DGKE: variants seen among roughly 807,000 people sequenced by gnomAD.
The protein encoded by DGKE is diacylglycerol kinase epsilon, also known as DAG kinase epsilon.
DGKE carries 53 observed loss-of-function variants against 70.0 expected under a neutral mutation model. The ratio of observed to expected loss-of-function variants is 0.76; its 90% CI spans 0.61 to 0.95. The LOEUF (loss-of-function observed/expected upper bound fraction) is 0.95. DGKE is among the 40% of genes least tolerant of loss of function. DGKE has a pLI of 0.00. For missense variants in DGKE, 655 were observed against 706.9 expected (o/e 0.93, Z 0.83); for synonymous variants, 291 against 257.0 (o/e 1.13, Z -1.27).
chr17:56,838,161 C>T (rs1906745047), intron 2 of DGKE, among the ~76,000 whole-genome samples: 1 of 151,992 alleles, frequency 6.6e-6, no homozygotes, highest in South Asian at 2.1e-4. Flanking sequence ...TTACATCTAC[C>T]CCACGCCTCA....
rs966154306 is a variant in DGKE at position 56,844,052 on chromosome 17, G to T, written c.498G>T (p.Glu166Asp). 2.5e-6 allele frequency: 4 copies of T among 1,571,452 alleles called. No individual in the cohort carries two copies. Among genetic ancestry groups the T allele is most frequent in the Non-Finnish European group, 3.4e-6 (4 of 1,165,182 alleles). Residue 166 changes from glutamate (E) to aspartate (D), a missense_variant, in exon 3 of 12, where the codon GAG becomes GAT. By Grantham distance (45) the Glu-to-Asp change is conservative (BLOSUM62 2). Transcript: ENST00000284061. ...GGTGCCAGAAAACAGTACATGATGAGTGCATGAAAAATAGTTTAAAGAATG... is the reference window on the plus strand; with the variant it reads ...GGTGCCAGAAAACAGTACATGATGATTGCATGAAAAATAGTTTAAAGAATG... ...CIWCQKTVHD[E>D]CMKNSLKNEK... is the part of the protein sequence containing the mutation.
chr17:56,860,594 G>A (rs556052188), intron 9 of DGKE, among the ~76,000 whole-genome samples: 60 of 152,322 alleles, frequency 3.9e-4, no homozygotes, highest in African/African-American at 1.3e-3. Context: ...TATAAGAAAA[G>A]CATGTGGTCT....
At position 56,862,597 on chromosome 17, in the gene DGKE, G is replaced by A. The variant is rs1908360001; in HGVS notation, c.1525-15G>A. 2 of 1,499,770 alleles carry A rather than the reference G, an allele frequency of 1.3e-6. No homozygotes were observed. Among genetic ancestry groups the A allele is most frequent in the African/African-American group, 1.4e-5 (1 of 70,856 alleles). The allele number at this position is 1,499,770 out of a possible 1,614,324, so 92.9% of individuals were successfully genotyped here. ...GGGGACTGACTTTTAAACATTATTT[G>A]TTCCCTAATATCAGCTGATTTTGAA... On this transcript the variant is annotated splice_polypyrimidine_tract_variant and intron_variant, in intron 11 of 11. Coordinates refer to ENST00000284061, the MANE Select transcript of DGKE (RefSeq NM_003647.3).
chr17:56,862,358 T>C, intron 11 of DGKE, 107 bp downstream of exon 11: 1 of 1,060,538 alleles, frequency 9.4e-7, no homozygotes, highest in Non-Finnish European at 1.4e-6. Flanking sequence ...GGTTTATGGC[T>C]CATGCAGCTG....
chr17:56,835,217 G>T lies in DGKE; in HGVS notation c.422G>T (p.Cys141Phe). The part of the protein sequence containing the change: ...NVPLCSYCMV[C>F]KQQCGCQPKL... ...CCCCTGTGCAGTTACTGTATGGTTT[G>T]CAAGCAGCAGTGTGGCTGTCAACCC... is the stretch of plus-strand genomic sequence containing the variant. Residue 141 changes from cysteine to phenylalanine, a missense_variant, in exon 2 of 12, where the codon TGC becomes TTC. Transcript: ENST00000284061. 1 of 1,613,624 alleles carries T rather than the reference G, an allele frequency of 6.2e-7. No individual in the cohort carries two copies. The highest frequency in any genetic ancestry group is 8.5e-7 in the Non-Finnish European group (1 of 1,179,992).
chr17:56,852,633 A>G (rs985181536), intron 7 of DGKE, among the ~76,000 whole-genome samples: 4 of 152,188 alleles, frequency 2.6e-5, no homozygotes, highest in African/African-American at 9.7e-5. Context: ...ACGTAAAAAA[A>G]TAGAGAAAGT....
rs766912042 is a variant in DGKE at position 56,843,968 on chromosome 17, A to AT, written c.465-49dup. Reference sequence around the variant, plus strand: ...AAAAATGATTGTTTTGTGGGTTATCATTGAGATTATGGTTTAAAATTAGTT... The same window carrying AT: ...AAAAATGATTGTTTTGTGGGTTATCATTTGAGATTATGGTTTAAAATTAGTT... On this transcript the variant is annotated intron_variant, in intron 2 of 11. Coordinates refer to ENST00000284061, the MANE Select transcript of DGKE (RefSeq NM_003647.3). 4.0e-5 allele frequency: 59 copies of AT among 1,478,526 alleles called. 1 individual carries two copies. The South Asian group carries it at 7.6e-4, about 19-fold the overall frequency. 91.6% of individuals were successfully genotyped at this position (1,478,526 alleles called of 1,614,324 possible). A position where few individuals can be genotyped will look rare whatever the true frequency, so the allele number is the denominator to read the frequency against.
rs77950042 is a variant in DGKE, at chr17:56,845,170, A to G, written c.625-520A>G. 9.1e-3 allele frequency among the ~76,000 whole-genome samples: 1,388 copies of G among 152,262 alleles called. 16 individuals are homozygous for G. The highest frequency in any genetic ancestry group is 0.022 in the African/African-American group (897 of 41,568). ...AATGGTTACATTTTGAAAAGTATTA[A>G]TTTCATTTGACTTTGAGCTATTAGA... On this transcript the variant is annotated intron_variant, in intron 3 of 11. Transcript: ENST00000284061.
At chr17:56,840,056 C>T (rs977648401) in intron 2 of DGKE, among the ~76,000 whole-genome samples, 8 of 151,920 alleles carry the variant, frequency 5.3e-5, no homozygotes, top group Admixed American at 4.6e-4. Flanking sequence ...CCCAGCTACT[C>T]GGGAGGCTGA....
chr17:56,841,086 A>G (rs1273431860), intron 2 of DGKE, among the ~76,000 whole-genome samples: 1 of 152,136 alleles, frequency 6.6e-6, no homozygotes, highest in East Asian at 1.9e-4. Flanking sequence ...CCCCGTCTCT[A>G]CTAAAAATAC....
intron 7 of DGKE, among the ~76,000 whole-genome samples, chr17:56,855,960 C>G (rs1907917085): frequency 1.3e-5 from 2 of 148,324 alleles, no homozygotes; most frequent in South Asian, 2.1e-4. Context: ...GAGCCGAGAT[C>G]GCGCCACTGC....
intron 2 of DGKE, among the ~76,000 whole-genome samples, chr17:56,841,256 A>C (rs1038983517): frequency 4.6e-5 from 7 of 151,528 alleles, no homozygotes; most frequent in African/African-American, 1.7e-4. Context: ...TGTCTCAAAA[A>C]AAAAAAAAAA....
chr17:56,848,119 C>CATATATATAT (rs56356802), intron 5 of DGKE, 54 bp downstream of exon 5: 154 of 708,022 alleles, frequency 2.2e-4, no homozygotes, highest in African/African-American at 1.8e-3. Flanking sequence ...ATATACTATA[C>CATATATATAT]ATATATATAT....
chr17:56,834,672 G>C, intron 1 of DGKE, 106 bp from the exon 2 acceptor site: 1 of 1,056,076 alleles, frequency 9.5e-7, no homozygotes, highest in South Asian at 1.5e-5. Context: ...TCGGGAGAGC[G>C]GAGCCACCTT....
chr17:56,840,700 G>T (rs374813103), intron 2 of DGKE, among the ~76,000 whole-genome samples: 6 of 152,126 alleles, frequency 3.9e-5, no homozygotes, highest in Non-Finnish European at 7.4e-5. Flanking sequence ...GGAAAAGCCC[G>T]ACACTTCCAT....
Position 56,858,679 on chromosome 17 carries a change from A to G in DGKE, c.1284+14A>G, listed in dbSNP as rs1325795827. 1 of 1,568,782 alleles carries G rather than the reference A, an allele frequency of 6.4e-7. No homozygotes were observed. Among genetic ancestry groups the G allele is most frequent in the South Asian group, 1.2e-5 (1 of 84,990 alleles). ...AAAAAAGTTGAGGTAAGCTATTAAC[A>G]CTTTTTATTTTTTAAAGTTTTAGGT... On this transcript the variant is annotated intron_variant, in intron 9 of 11. Transcript: ENST00000284061.
intron 3 of DGKE, among the ~76,000 whole-genome samples, chr17:56,845,354 T>G (rs558689488): frequency 9.2e-5 from 14 of 152,260 alleles, no homozygotes; most frequent in African/African-American, 3.4e-4. Flanking sequence ...GAAAGACAGA[T>G]TTTCAACTCA....
intron 7 of DGKE, 71 bp downstream of exon 7, chr17:56,849,303 A>G: frequency 7.3e-7 from 1 of 1,378,424 alleles, no homozygotes; most frequent in Non-Finnish European, 1.0e-6. Flanking sequence ...CTGTGGTGGG[A>G]TACAGAGACC....
intron 9 of DGKE, among the ~76,000 whole-genome samples, chr17:56,860,205 A>C (rs909456554): frequency 6.6e-6 from 1 of 152,178 alleles, no homozygotes; most frequent in African/African-American, 2.4e-5. Flanking sequence ...GACAGTGATA[A>C]ATCCCTTGCT....
Sources: gnomAD v4.1 joint callset for allele counts (sites outside exome capture counted in the v4.1 genomes callset) on GRCh38, gnomAD v4.1.1 for gene constraint, MANE v1.5 for transcripts, NCBI Gene and HGNC (gene_info 2026-07-23, HGNC 2026-07-21) for gene names.